Variants in KDM4C observed in about 807,000 individuals in gnomAD.
The protein encoded by KDM4C is lysine-specific demethylase 4C.
A neutral mutation model predicts 129.3 loss-of-function variants in KDM4C; 81 were observed. The observed-to-expected ratio is 0.63, with a 90% CI of 0.52 to 0.75. KDM4C has a LOEUF of 0.75. Ranked by LOEUF, KDM4C falls within the 30% of genes least tolerant of loss-of-function variation. The pLI is 0.00. For missense variants in KDM4C, 1,457 were observed against 1,304.0 expected (o/e 1.12, Z -1.81); for synonymous variants, 573 against 456.1 (o/e 1.26, Z -3.26).
At chr9:7,128,583 T>C (rs1299834850) in intron 19 of KDM4C, among the ~76,000 whole-genome samples, 1 of 152,232 alleles carries the variant, frequency 6.6e-6, no homozygotes, top group East Asian at 1.9e-4. Flanking sequence ...TGTTACAAGA[T>C]GTGAACAAAT....
chr9:6,986,177 T>C (rs919341375), intron 10 of KDM4C, among the ~76,000 whole-genome samples, 167 bp from the exon 11 acceptor site: 4 of 152,176 alleles, frequency 2.6e-5, no homozygotes, highest in Non-Finnish European at 5.9e-5. Context: ...TCAGAGCTAG[T>C]ATGTGATGGG....
intron 21 of KDM4C, among the ~76,000 whole-genome samples, chr9:7,172,231 C>G (rs1469369979): frequency 6.6e-6 from 1 of 152,170 alleles, no homozygotes; most frequent in Non-Finnish European, 1.5e-5. Context: ...CTCACCCAGA[C>G]ACACGCTGAC....
intron 4 of KDM4C, among the ~76,000 whole-genome samples, chr9:6,816,023 C>A (rs1248448264): frequency 6.6e-6 from 1 of 151,812 alleles, no homozygotes; most frequent in Admixed American, 6.6e-5. Flanking sequence ...GTGTATAGAC[C>A]ATATTCAAAT....
intron 1 of KDM4C, among the ~76,000 whole-genome samples, chr9:6,726,339 A>T (rs888240528): frequency 2.6e-5 from 4 of 152,180 alleles, no homozygotes; most frequent in African/African-American, 9.7e-5. Flanking sequence ...GACTGACTCA[A>T]TGTGATCAAG....
chr9:6,810,620 CCAA>C (rs1465767068), intron 3 of KDM4C, among the ~76,000 whole-genome samples: 3 of 151,792 alleles, frequency 2.0e-5, no homozygotes, highest in Non-Finnish European at 4.4e-5. Flanking sequence ...GCTTGTAGTC[CCAA>C]CACTTTGGGA....
chr9:6,754,858 G>A (rs1305165096), upstream of KDM4C, among the ~76,000 whole-genome samples: 1 of 136,982 alleles, frequency 7.3e-6, no homozygotes, highest in Non-Finnish European at 1.5e-5. Context: ...CTGGGCAACA[G>A]TGTGAAGATC....
intron 8 of KDM4C, among the ~76,000 whole-genome samples, chr9:6,953,320 C>T (rs1174349837): frequency 1.3e-5 from 2 of 152,132 alleles, no homozygotes; most frequent in East Asian, 3.8e-4. Flanking sequence ...TAAAGGCTTT[C>T]CCGCCTTTAT....
At chr9:6,920,057 A>G (rs1005565712) in intron 8 of KDM4C, among the ~76,000 whole-genome samples, 1 of 152,138 alleles carries the variant, frequency 6.6e-6, no homozygotes, top group Non-Finnish European at 1.5e-5. Flanking sequence ...AAAGAGTTTA[A>G]TTGATGTGAG....
intron 7 of KDM4C, 96 bp downstream of exon 7, chr9:6,888,159 A>T (rs1227687973): frequency 3.5e-6 from 2 of 565,152 alleles, no homozygotes; most frequent in African/African-American, 3.9e-5. Flanking sequence ...AATTTTTAGG[A>T]TGTGGGTAGA....
chr9:7,076,288 T>C (rs1216531045), intron 17 of KDM4C: 1 of 573,580 alleles, frequency 1.7e-6, no homozygotes, highest in Non-Finnish European at 3.1e-6. Context: ...ACATAAATGG[T>C]AAACAGTTTA....
chr9:6,894,488 C>T (rs942088583), intron 8 of KDM4C, among the ~76,000 whole-genome samples: 2 of 152,174 alleles, frequency 1.3e-5, no homozygotes, highest in African/African-American at 4.8e-5. Flanking sequence ...GTCTTGGCCA[C>T]GAGGTTATAA....
chr9:6,836,742 C>T (rs1835953087), intron 4 of KDM4C, among the ~76,000 whole-genome samples: 1 of 152,124 alleles, frequency 6.6e-6, no homozygotes, highest in African/African-American at 2.4e-5. Flanking sequence ...AACAGTATTT[C>T]CCAGTTGATC....
At chr9:7,061,814 A>G (rs1831716315) in intron 17 of KDM4C, among the ~76,000 whole-genome samples, 1 of 152,182 alleles carries the variant, frequency 6.6e-6, no homozygotes, top group Non-Finnish European at 1.5e-5. Flanking sequence ...GGAGTTGCCT[A>G]ATTTCATAGA....
chr9:6,867,810 A>G (rs553951322), intron 5 of KDM4C, among the ~76,000 whole-genome samples: 2 of 152,344 alleles, frequency 1.3e-5, no homozygotes, highest in South Asian at 4.2e-4. Flanking sequence ...CAGTTGACAC[A>G]CAAAGCTTTT....
At chr9:6,947,521 T>C (rs1442090073) in intron 8 of KDM4C, among the ~76,000 whole-genome samples, 1 of 152,146 alleles carries the variant, frequency 6.6e-6, no homozygotes, top group African/African-American at 2.4e-5. Context: ...AAAGGCTTTG[T>C]ATATTACAAT....
At chr9:6,751,668 T>C (rs1213520859) in intron 1 of KDM4C, among the ~76,000 whole-genome samples, 8 of 152,136 alleles carry the variant, frequency 5.3e-5, no homozygotes, top group Non-Finnish European at 7.3e-5. Context: ...AGCTGAATGA[T>C]GAGATCTCAA....
intron 8 of KDM4C, among the ~76,000 whole-genome samples, chr9:6,919,627 G>A (rs956151669): frequency 3.3e-5 from 5 of 151,406 alleles, no homozygotes; most frequent in Non-Finnish European, 7.4e-5. Context: ...CCAGGCTGGA[G>A]TGCAATGGCG....
intron 9 of KDM4C, chr9:6,982,748 G>A (rs1187896789): frequency 2.6e-5 from 4 of 152,330 alleles, no homozygotes; most frequent in South Asian, 2.1e-4. Context: ...TTCATTAGGT[G>A]TATGACTTGG....
chr9:7,081,991 T>C (rs989058294), intron 17 of KDM4C, among the ~76,000 whole-genome samples: 12 of 151,830 alleles, frequency 7.9e-5, no homozygotes, highest in Non-Finnish European at 1.5e-4. Flanking sequence ...GGTCGATATC[T>C]AGATATCAGG....
Sources: allele counts gnomAD v4.1 joint callset (sites outside exome capture counted in the v4.1 genomes callset), GRCh38; gene constraint gnomAD v4.1.1; transcripts MANE v1.5; gene names NCBI Gene and HGNC (gene_info 2026-07-23, HGNC 2026-07-21).